Variants in PCDHGB2 observed in about 807,000 individuals in gnomAD.
The protein encoded by PCDHGB2 is protocadherin gamma subfamily B, 2.
In PCDHGB2, 55 loss-of-function variants were observed where a neutral mutation model predicts 59.3. The ratio of observed to expected loss-of-function variants is 0.93; its 90% confidence interval spans 0.75 to 1.16. The LOEUF (loss-of-function observed/expected upper bound fraction) is 1.16, where lower values mean the gene tolerates loss of function less well. Ranked by LOEUF, PCDHGB2 falls within the 50% of genes most tolerant of loss-of-function variation. PCDHGB2 has a pLI of 0.00. For synonymous variants in PCDHGB2, 516 were observed against 512.0 expected (o/e 1.01, Z -0.11); for missense variants, 1,228 against 1,198.5 (o/e 1.02, Z -0.36).
At chr5:141,421,148 G>A (rs1334539595) in intron 1 of PCDHGB2, 2 of 1,056,062 alleles carry the variant, frequency 1.9e-6, no homozygotes, top group African/African-American at 1.6e-5. Context: ...GATGTAGTCG[G>A]CCTAGGACTT....
chr5:141,507,754 C>T (rs1488474557), intron 3 of PCDHGB2, among the ~76,000 whole-genome samples: 7 of 152,242 alleles, frequency 4.6e-5, no homozygotes, highest in Admixed American at 2.0e-4. Flanking sequence ...GTCAAGGCCT[C>T]CCACCTTTGG....
At chr5:141,410,821 C>A in intron 1 of PCDHGB2, 1 of 441,370 alleles carries the variant, frequency 2.3e-6, no homozygotes, top group Non-Finnish European at 3.8e-6. Context: ...AAAATAATGT[C>A]ACCAGACTGA....
chr5:141,491,583 C>G lies in PCDHGB2; in HGVS notation c.2422-3224C>G. On this transcript the variant is annotated intron_variant, in intron 1 of 3. Coordinates refer to ENST00000522605, the MANE Select transcript of PCDHGB2 (RefSeq NM_018923.3). This position sits in a 1 kb window ranked among gnomAD's most constrained non-coding sequence, Gnocchi z 6.9. ...GCTACAGGACGTGCTTTTCACCGGC[C>G]TCGGACGGCAGTGACTTCACTTTTC... is the stretch of plus-strand genomic sequence containing the variant. 1 of 1,613,964 alleles carries G rather than the reference C, an allele frequency of 6.2e-7. No individual in the cohort carries two copies. The highest frequency in any genetic ancestry group is 8.5e-7 in the Non-Finnish European group (1 of 1,180,046).
chr5:141,418,523 C>G (rs2096266495), intron 1 of PCDHGB2: 1 of 1,613,958 alleles, frequency 6.2e-7, no homozygotes, highest in Non-Finnish European at 8.5e-7. Context: ...GGACCCTCCC[C>G]GAAGCGGTAC....
intron 1 of PCDHGB2, chr5:141,407,873 A>G (rs561323423): frequency 2.0e-5 from 7 of 354,686 alleles, no homozygotes; most frequent in African/African-American, 1.3e-4. Context: ...CGAAGAATAT[A>G]TACATTTCGG....
intron 1 of PCDHGB2, among the ~76,000 whole-genome samples, chr5:141,446,280 A>G (rs1011084291): frequency 2.6e-5 from 4 of 152,162 alleles, no homozygotes; most frequent in South Asian, 2.1e-4. Context: ...AATACAATGG[A>G]TAAATGGGGA....
chr5:141,494,953 T>G, intron 2 of PCDHGB2, 88 bp downstream of exon 2: 1 of 1,604,164 alleles, frequency 6.2e-7, no homozygotes, highest in Non-Finnish European at 8.5e-7. Flanking sequence ...GCCCAGCATT[T>G]GCTACAGATG....
chr5:141,413,298 G>A (rs1672233901), intron 1 of PCDHGB2: 3 of 1,613,950 alleles, frequency 1.9e-6, no homozygotes, highest in Non-Finnish European at 2.5e-6. Context: ...CAATTCCTGA[G>A]GAATTAGAGA....
chr5:141,394,076 A>C (rs1329419086), intron 1 of PCDHGB2: 1 of 1,613,896 alleles, frequency 6.2e-7, no homozygotes, highest in Admixed American at 1.7e-5. Flanking sequence ...ACAATATCAC[A>C]GTGATGGCCT....
chr5:141,388,793 T>C, intron 1 of PCDHGB2: 1 of 1,613,918 alleles, frequency 6.2e-7, no homozygotes, highest in South Asian at 1.1e-5. Flanking sequence ...CTGTTTTAAA[T>C]ACATTAGATT....
rs1225473275 is a variant in PCDHGB2 at position 141,512,442 on chromosome 5, TC to T, written c.*1271del. ...GGCCCCTGCCCTCCTGAAGCCTCAG[TC>T]CTTCACCTTGCCAGGTGCCGTTTCT... is the stretch of plus-strand genomic sequence containing the variant. On this transcript the variant is annotated 3_prime_UTR_variant, in exon 4 of 4. Transcript: ENST00000522605. 1 of 152,892 alleles carries T rather than the reference TC, an allele frequency of 6.5e-6. No individual in the cohort carries two copies. Among genetic ancestry groups the T allele is most frequent in the African/African-American group, 2.4e-5 (1 of 41,466 alleles). 9.5% of individuals were successfully genotyped at this position (152,892 alleles called of 1,614,324 possible).
intron 1 of PCDHGB2, chr5:141,404,714 G>A: frequency 3.1e-6 from 5 of 1,614,068 alleles, no homozygotes; most frequent in Non-Finnish European, 4.2e-6. Flanking sequence ...TGGCTACCTG[G>A]TGACCAAGGT....
At chr5:141,463,412 A>G (rs1397215687) in intron 1 of PCDHGB2, among the ~76,000 whole-genome samples, 9 of 127,856 alleles carry the variant, frequency 7.0e-5, no homozygotes, top group Non-Finnish European at 1.5e-4. Flanking sequence ...TGGAGATCCT[A>G]GTTTGCGGAT....
At chr5:141,443,448 T>C (rs1205977008) in intron 1 of PCDHGB2, among the ~76,000 whole-genome samples, 1 of 152,210 alleles carries the variant, frequency 6.6e-6, no homozygotes, top group African/African-American at 2.4e-5. Context: ...GTTGCGCTCC[T>C]GTACTCCAGT....
At chr5:141,382,896 G>C (rs754850386) in intron 1 of PCDHGB2, 13 of 1,537,678 alleles carry the variant, frequency 8.5e-6, no homozygotes, top group Non-Finnish European at 1.1e-5. Context: ...GAAGCAGGAC[G>C]ACTATGGCGG....
Position 141,432,442 on chromosome 5 carries a change from G to A in PCDHGB2, c.2422-62365G>A. 1 of 1,614,228 alleles carries A rather than the reference G, an allele frequency of 6.2e-7. No individual in the cohort carries two copies. Among genetic ancestry groups the A allele is most frequent in the Non-Finnish European group, 8.5e-7 (1 of 1,180,042 alleles). On this transcript the variant is annotated intron_variant, in intron 1 of 3. Transcript: ENST00000522605. The surrounding 1 kb of genome is among the most constrained non-coding windows in gnomAD (Gnocchi z 6.0). ...TGGACCAGAACGACAATGCGCCCGA[G>A]ATCCTGTACCCCGCCCTCCCCACGG...
chr5:141,479,333 G>A (rs2154577502), intron 1 of PCDHGB2: 1 of 152,652 alleles, frequency 6.6e-6, no homozygotes, highest in East Asian at 1.9e-4. Context: ...TCAGTGGTGT[G>A]CACCTGTAGT....
intron 1 of PCDHGB2, among the ~76,000 whole-genome samples, chr5:141,449,594 A>T (rs2098647409): frequency 6.6e-6 from 1 of 150,814 alleles, no homozygotes; most frequent in Non-Finnish European, 1.5e-5. Context: ...GTCTCAAAAA[A>T]AAAAAAAAAA....
chr5:141,404,736 A>G, intron 1 of PCDHGB2: 1 of 1,613,622 alleles, frequency 6.2e-7, no homozygotes, highest in Non-Finnish European at 8.5e-7. Context: ...GTGGCAGTGG[A>G]CAGAGACTCA....
Sources: gnomAD v4.1 joint callset for allele counts (sites outside exome capture counted in the v4.1 genomes callset) on GRCh38, gnomAD v4.1.1 for gene constraint, Gnocchi (gnomAD v3.1) non-coding constraint, MANE v1.5 for transcripts, NCBI Gene and HGNC (gene_info 2026-07-23, HGNC 2026-07-21) for gene names.